The following NUP210L variants were observed in gnomAD, a reference collection of about 807,000 sequenced individuals.
NUP210L encodes nuclear pore membrane glycoprotein 210-like.
A neutral mutation model predicts 208.5 loss-of-function variants in NUP210L; 74 were observed. The ratio of observed to expected loss-of-function variants is 0.35; its 90% CI spans 0.29 to 0.43. The LOEUF is 0.43. Ranked by LOEUF, NUP210L falls within the 20% of genes least tolerant of loss-of-function variation. The pLI, the probability that NUP210L is intolerant of heterozygous loss-of-function variation, is 1.00. For synonymous variants in NUP210L, 780 were observed against 816.9 expected, an observed-to-expected ratio of 0.95 and a Z score of 0.77; for missense variants, 1,843 against 2,289.4, an observed-to-expected ratio of 0.81 and a Z score of 3.98.
chr1:154,051,917 G>A (rs2147980684), intron 25 of NUP210L, among the ~76,000 whole-genome samples: 1 of 152,244 alleles, frequency 6.6e-6, no homozygotes, highest in Non-Finnish European at 1.5e-5. Context: ...TTCTCTATAT[G>A]GAATATTAAA....
At chr1:154,102,669 T>A (rs1312162942) in intron 13 of NUP210L, among the ~76,000 whole-genome samples, 1 of 152,170 alleles carries the variant, frequency 6.6e-6, no homozygotes, top group Non-Finnish European at 1.5e-5. Context: ...AAATCTTAGA[T>A]GCTACTACTG....
intron 27 of NUP210L, among the ~76,000 whole-genome samples, chr1:154,031,127 T>C (rs1172074955): frequency 1.3e-5 from 2 of 152,122 alleles, no homozygotes; most frequent in African/African-American, 4.8e-5. Flanking sequence ...CTTGTTCTGT[T>C]GACCAGTTTG....
At chr1:154,004,135 C>A (rs1025794358) in intron 35 of NUP210L, among the ~76,000 whole-genome samples, 1 of 149,026 alleles carries the variant, frequency 6.7e-6, no homozygotes, top group African/African-American at 2.5e-5. Context: ...GTGGCGCGAT[C>A]TTGGCTCACT....
At chr1:154,152,077 C>T (rs1383408256) in intron 2 of NUP210L, among the ~76,000 whole-genome samples, 5 of 84,818 alleles carry the variant, frequency 5.9e-5, no homozygotes, top group Admixed American at 1.6e-4. Context: ...GCAACAAAAG[C>T]GAAACTCCGT....
chr1:154,103,579 G>A (rs1486539376), intron 13 of NUP210L, among the ~76,000 whole-genome samples: 1 of 149,082 alleles, frequency 6.7e-6, no homozygotes, highest in African/African-American at 2.5e-5. Flanking sequence ...GGCTGAGGCA[G>A]GAGAATGGCG....
intron 16 of NUP210L, among the ~76,000 whole-genome samples, chr1:154,082,817 T>C (rs900006047): frequency 1.3e-5 from 2 of 152,324 alleles, no homozygotes; most frequent in South Asian, 4.1e-4. Flanking sequence ...CCTTGAGTGT[T>C]ACAGCTCTTA....
chr1:154,106,345 G>T (rs1355578993), intron 12 of NUP210L, among the ~76,000 whole-genome samples: 1 of 152,140 alleles, frequency 6.6e-6, no homozygotes, highest in Non-Finnish European at 1.5e-5. Flanking sequence ...CAGTAGAATA[G>T]AGCATCAGGT....
intron 12 of NUP210L, among the ~76,000 whole-genome samples, chr1:154,108,983 C>T (rs1656910083): frequency 2.0e-5 from 3 of 151,598 alleles, no homozygotes; most frequent in Non-Finnish European, 4.4e-5. Flanking sequence ...GCCTGTAATC[C>T]CAGCTACTCG....
At position 153,995,122 on chromosome 1, in the gene NUP210L, G is replaced by A. The variant is rs181661812; in HGVS notation, c.5445C>T (p.Leu1815=). The change falls in exon 38 of 40, where the codon CTC becomes CTT. Residue 1815 remains leucine, a synonymous_variant. Transcript: ENST00000368559. ...ATGCCAGCACTGCAAAGAGGGTCAA[G>A]AGCAGGATCTGGTAAGAGCCAGTGA... 4.9e-5 allele frequency: 79 copies of A among 1,613,972 alleles called. No homozygotes were observed. In the Admixed American group the frequency reaches 1.0e-3, roughly 20 times the overall value.
intron 28 of NUP210L, among the ~76,000 whole-genome samples, chr1:154,029,121 G>A (rs1243022757): frequency 2.0e-5 from 3 of 151,510 alleles, no homozygotes; most frequent in Non-Finnish European, 4.4e-5. Flanking sequence ...GCTCACACCT[G>A]TAATCCCAGC....
intron 1 of NUP210L, among the ~76,000 whole-genome samples, chr1:154,154,602 A>G (rs1188958087): frequency 6.6e-6 from 1 of 152,096 alleles, no homozygotes; most frequent in African/African-American, 2.4e-5. Context: ...CATCCCGAGA[A>G]TTCCTCACAC....
intron 33 of NUP210L, among the ~76,000 whole-genome samples, chr1:154,016,152 AG>A (rs1651237200): frequency 6.6e-6 from 1 of 152,022 alleles, no homozygotes; most frequent in African/African-American, 2.4e-5. Flanking sequence ...GCTACTTTGG[AG>A]GCTGAGGCAG....
intron 16 of NUP210L, among the ~76,000 whole-genome samples, chr1:154,081,484 T>A (rs200810629): frequency 6.6e-6 from 1 of 152,058 alleles, no homozygotes; most frequent in East Asian, 1.9e-4. Context: ...ACATTTGAGT[T>A]TATGCTAATG....
intron 34 of NUP210L, among the ~76,000 whole-genome samples, chr1:154,011,281 T>C (rs937136892): frequency 6.7e-6 from 1 of 149,782 alleles, no homozygotes; most frequent in African/African-American, 2.5e-5. Flanking sequence ...CAGAGTGCAG[T>C]GGCACAATCT....
In NUP210L at chr1:154,138,255, AG is replaced by A. The variant is rs1658647223; in HGVS notation, c.718-18del. 2.7e-6 allele frequency: 4 copies of A among 1,506,628 alleles called. No homozygotes were observed. Among genetic ancestry groups the A allele is most frequent in the Admixed American group, 2.9e-5 (1 of 34,382 alleles). The allele number at this position is 1,506,628 out of a possible 1,614,324, so 93.3% of individuals were successfully genotyped here. A position where few individuals can be genotyped will look rare whatever the true frequency, so the allele number is the denominator to read the frequency against. On this transcript the variant is annotated intron_variant, in intron 5 of 39. Transcript: ENST00000368559. Reference sequence around the variant, plus strand: ...TGCCACTTTCTAAAAGAGGGAGGGAAGGAAAAAAAAAAACAGTTTCCATGGA... The same window carrying A: ...TGCCACTTTCTAAAAGAGGGAGGGAAGAAAAAAAAAAACAGTTTCCATGGA...
chr1:154,126,082 A>ATGAAACC (rs1432816988), intron 10 of NUP210L, among the ~76,000 whole-genome samples: 2 of 152,022 alleles, frequency 1.3e-5, no homozygotes, highest in Non-Finnish European at 2.9e-5. Context: ...AATGTTTTTA[A>ATGAAACC]TGAAACCTGA....
intron 31 of NUP210L, among the ~76,000 whole-genome samples, chr1:154,022,545 C>T (rs61805530): frequency 6.6e-6 from 1 of 151,192 alleles, no homozygotes; most frequent in Non-Finnish European, 1.5e-5. Flanking sequence ...TTTTTTTTTC[C>T]AGTAAAGCCT....
intron 17 of NUP210L, among the ~76,000 whole-genome samples, chr1:154,062,587 T>TTTTTTTC (rs1654198964): frequency 7.4e-6 from 1 of 135,804 alleles, no homozygotes; most frequent in Non-Finnish European, 1.6e-5. Context: ...TTTTTTTTTT[T>TTTTTTTC]TTTGTGTGTG....
At chr1:154,004,334 G>A (rs1650383963) in intron 35 of NUP210L, among the ~76,000 whole-genome samples, 2 of 151,594 alleles carry the variant, frequency 1.3e-5, no homozygotes, top group Admixed American at 1.3e-4. Flanking sequence ...CTCTCAAAAT[G>A]CCAGGATTAC....
Sources: gnomAD v4.1 joint callset for allele counts (sites outside exome capture counted in the v4.1 genomes callset) on GRCh38, gnomAD v4.1.1 for gene constraint, MANE v1.5 for transcripts, NCBI Gene and HGNC (gene_info 2026-07-23, HGNC 2026-07-21) for gene names.